The following TRIM26 variants were observed in gnomAD, a reference collection of about 807,000 sequenced individuals.
The protein encoded by TRIM26 is tripartite motif containing 26.
Under a neutral mutation model 45.5 loss-of-function variants are expected in TRIM26, and 16 were observed. The observed-to-expected ratio is 0.35, with a 90% CI of 0.24 to 0.53. The LOEUF is 0.53. Among genes scored for constraint, TRIM26 ranks in the 20% least tolerant of loss-of-function variants. The pLI is 0.92. For missense variants in TRIM26, 442 were observed against 691.1 expected, an observed-to-expected ratio of 0.64 and a Z score of 4.04; for synonymous variants, 273 against 290.4, an observed-to-expected ratio of 0.94 and a Z score of 0.61.
Position 30,186,505 on chromosome 6 carries a change from C to T in TRIM26, c.991G>A (p.Asp331Asn). The T allele has an allele frequency of 6.5e-7, 1 of 1,535,320 alleles. No homozygotes were observed. Among genetic ancestry groups the T allele is most frequent in the Non-Finnish European group, 8.8e-7 (1 of 1,142,218 alleles). Residue 331 changes from aspartate to asparagine, a missense_variant, in exon 10 of 10, where the codon GAC becomes AAC. By Grantham distance (23) the Asp-to-Asn change is conservative. Coordinates refer to ENST00000454678, the MANE Select transcript of TRIM26 (RefSeq NM_003449.5). This position sits in a 1 kb window ranked among gnomAD's most constrained non-coding sequence, Gnocchi z 7.4. ...SASGYLQLSE[D>N]WKCVTYTSLY... is the part of the protein sequence containing the mutation. ...CTGGTGTAGGTCACGCACTTCCAGT[C>T]CTCTGACAGCTGCAGGTACCCACTG...
At chr6:30,208,905 T>TCTGA (rs142813564) in intron 1 of TRIM26, among the ~76,000 whole-genome samples, 1 of 6,206 alleles carries the variant, frequency 1.6e-4, no homozygotes, top group Non-Finnish European at 3.1e-4. Context: ...ATATAGAATA[T>TCTGA]GTGTGTGTGT....
At chr6:30,208,111 AACTG>A (rs375960120) in intron 1 of TRIM26, among the ~76,000 whole-genome samples, 4 of 152,248 alleles carry the variant, frequency 2.6e-5, no homozygotes, top group Admixed American at 6.5e-5. Context: ...AGACAATAAA[AACTG>A]ACTGAGAAAA....
At position 30,199,552 on chromosome 6, in the gene TRIM26, C is replaced by T. The variant is rs148140608; in HGVS notation, c.-161-288G>A. ...TACAATGTCTACTGTGGACACAGTG[C>T]TCCTTCACTCAACTGTGCAAAGCAC... On this transcript the variant is annotated intron_variant, in intron 3 of 9. Coordinates refer to ENST00000454678, the MANE Select transcript of TRIM26 (RefSeq NM_003449.5). Among the ~76,000 whole-genome samples the T allele has an allele frequency of 4.2e-3, 646 of 152,186 alleles. 2 individuals carry two copies. The highest frequency in any genetic ancestry group is 0.011 in the African/African-American group (448 of 41,510).
chr6:30,212,469 T>C (rs3130386), intron 1 of TRIM26, among the ~76,000 whole-genome samples: 64,521 of 152,088 alleles, frequency 0.42, 13,855 homozygotes, highest in Non-Finnish European at 0.45. Flanking sequence ...TAACAGGGGA[T>C]CCGGTTTGGA....
At position 30,207,307 on chromosome 6, in the gene TRIM26, T is replaced by C. The variant is rs1279868158; in HGVS notation, c.-375-2542A>G. Reference sequence around the variant, plus strand: ...ATGTTTATTAGGTGCCGACTATGTGTCAGGCACCGAGGTTACAGCAGAGAA... The same window carrying C: ...ATGTTTATTAGGTGCCGACTATGTGCCAGGCACCGAGGTTACAGCAGAGAA... On this transcript the variant is annotated intron_variant, in intron 1 of 9. Coordinates refer to ENST00000454678, the MANE Select transcript of TRIM26 (RefSeq NM_003449.5). The surrounding 1 kb of genome is among the most constrained non-coding windows in gnomAD (Gnocchi z 4.9). Among the ~76,000 whole-genome samples the C allele has an allele frequency of 6.6e-6, 1 of 152,194 alleles. No homozygotes were observed. The highest frequency in any genetic ancestry group is 1.5e-5 in the Non-Finnish European group (1 of 68,030).
intron 6 of TRIM26, among the ~76,000 whole-genome samples, chr6:30,193,213 A>T (rs1776126960): frequency 9.3e-6 from 1 of 108,048 alleles, no homozygotes; most frequent in African/African-American, 3.9e-5. Context: ...ATGGAGTCTC[A>T]CTCTATTGCC....
rs777037474 is a variant in TRIM26 at position 30,186,470 on chromosome 6, C to G, written c.1026G>C (p.Lys342Asn). Residue 342 changes from lysine (K) to asparagine (N), a missense_variant, in exon 10 of 10, where the codon AAG becomes AAC. By Grantham distance (94) the Lys-to-Asn change is moderately conservative. Transcript: ENST00000454678. The surrounding 1 kb of genome is among the most constrained non-coding windows in gnomAD (Gnocchi z 7.4). ...ACTGCTGGGGGTGCAGGTAGGCACT[C>G]TTGTACAGGCTGGTGTAGGTCACGC... ...WKCVTYTSLY[K>N]SAYLHPQQFD... 6.3e-7 allele frequency: 1 copy of G among 1,579,410 alleles called. No homozygotes were observed.
chr6:30,188,155 G>A (rs1775398866), intron 9 of TRIM26: 1 of 159,440 alleles, frequency 6.3e-6, no homozygotes, highest in African/African-American at 2.6e-5. Context: ...AGGAGGCGGA[G>A]CCTGCAGTGA....
chr6:30,191,932 T>A (rs1003283605), intron 6 of TRIM26, among the ~76,000 whole-genome samples: 4 of 152,198 alleles, frequency 2.6e-5, no homozygotes, highest in Non-Finnish European at 4.4e-5. Context: ...CAGAGGCCCA[T>A]TTGGGCATAT....
chr6:30,201,208 G>A (rs1453745312), intron 2 of TRIM26, 70 bp from the exon 3 acceptor site: 1 of 152,172 alleles, frequency 6.6e-6, no homozygotes, highest in East Asian at 1.9e-4. Flanking sequence ...AGAGTTCAGT[G>A]GCCTCTGTCA....
At chr6:30,193,341 C>A (rs1046753831) in intron 6 of TRIM26, among the ~76,000 whole-genome samples, 3 of 150,402 alleles carry the variant, frequency 2.0e-5, no homozygotes, top group African/African-American at 7.4e-5. Flanking sequence ...ACCATCACGC[C>A]CAGCTAATTT....
rs1390060960 is a variant in TRIM26, at chr6:30,189,611, G to A, written c.789-78C>T. 3 of 1,259,306 alleles carry A rather than the reference G, an allele frequency of 2.4e-6. No homozygotes were observed. Among genetic ancestry groups the A allele is most frequent in the Non-Finnish European group, 3.5e-6 (3 of 867,938 alleles). The allele number at this position is 1,259,306 out of a possible 1,614,324, so 78.0% of individuals were successfully genotyped here. ...TCATACTTATCTCTCAATCCTCATG[G>A]CAATTATGAAGGGGAGAGGAAAGGT... On this transcript the variant is annotated intron_variant, in intron 7 of 9. Coordinates refer to ENST00000454678, the MANE Select transcript of TRIM26 (RefSeq NM_003449.5). The surrounding 1 kb of genome is among the most constrained non-coding windows in gnomAD (Gnocchi z 5.0).
In TRIM26 at chr6:30,209,066, T is replaced by C. The variant is rs916241697; in HGVS notation, c.-376+4239A>G. Among the ~76,000 whole-genome samples, 6 of 152,066 alleles carry C rather than the reference T, an allele frequency of 3.9e-5. No individual in the cohort carries two copies. Among genetic ancestry groups the C allele is most frequent in the African/African-American group, 1.4e-4 (6 of 41,392 alleles). On this transcript the variant is annotated intron_variant, in intron 1 of 9. Transcript: ENST00000454678. The surrounding 1 kb of genome is among the most constrained non-coding windows in gnomAD (Gnocchi z 4.8). ...ACCCAACCAGTAAATGTTGTAAATG[T>C]TTATCTTTGGGGAGAGAAGGGGAAG...
Position 30,208,918 on chromosome 6 carries a change from G to C in TRIM26, c.-375-4153C>G, listed in dbSNP as rs866762572. Among the ~76,000 whole-genome samples the C allele has an allele frequency of 2.0e-3, 270 of 136,724 alleles. 2 individuals carry two copies. Among genetic ancestry groups the C allele is most frequent in the Middle Eastern group, 0.011 (3 of 268 alleles). The allele number at this position is 136,724 out of a possible 152,430, so 89.7% of individuals were successfully genotyped here. A position where few individuals can be genotyped will look rare whatever the true frequency, so the allele number is the denominator to read the frequency against. ...GGATATAGAATATGTGTGTGTGTGTGTGTGTGTGTGTGTGTGTGTGTGTGT... is the reference window on the plus strand; with the variant it reads ...GGATATAGAATATGTGTGTGTGTGTCTGTGTGTGTGTGTGTGTGTGTGTGT... On this transcript the variant is annotated intron_variant, in intron 1 of 9. Transcript: ENST00000454678.
chr6:30,185,846 AG>A lies in TRIM26; in HGVS notation c.*29del. 2 of 1,585,224 alleles carry A rather than the reference AG, an allele frequency of 1.3e-6. No homozygotes were observed. Among genetic ancestry groups the A allele is most frequent in the Non-Finnish European group, 1.7e-6 (2 of 1,164,348 alleles). On this transcript the variant is annotated 3_prime_UTR_variant, in exon 10 of 10. Transcript: ENST00000454678. The surrounding 1 kb of genome is among the most constrained non-coding windows in gnomAD (Gnocchi z 5.7). ...GAATTCCAAAGAAGTGAAGCATCTG[AG>A]GGTTGGGGCTGGGGGCAGATGTCAG...
Position 30,198,572 on chromosome 6 carries a change from C to T in TRIM26, c.439-48G>A, listed in dbSNP as rs1776738142. ...AACAGGTGGATGCTCTGGGCTGGGG[C>T]AGGAAGGGAGACTCAGGCTGAGTCC... On this transcript the variant is annotated intron_variant, in intron 4 of 9. Coordinates refer to ENST00000454678, the MANE Select transcript of TRIM26 (RefSeq NM_003449.5). The surrounding 1 kb of genome is among the most constrained non-coding windows in gnomAD (Gnocchi z 6.3). The T allele has an allele frequency of 1.2e-6, 2 of 1,612,016 alleles. No homozygotes were observed. Among genetic ancestry groups the T allele is most frequent in the South Asian group, 1.1e-5 (1 of 91,058 alleles).
In TRIM26 at chr6:30,190,559, G is replaced by A. The variant is rs1775727684; in HGVS notation, c.766-524C>T. ...TAATAATAGAACCCCCGGAGTTATT[G>A]CTGGTCAGGCGGCCACCTGGGAAGA... is the stretch of plus-strand genomic sequence containing the variant. On this transcript the variant is annotated intron_variant, in intron 6 of 9. Coordinates refer to ENST00000454678, the MANE Select transcript of TRIM26 (RefSeq NM_003449.5). The surrounding 1 kb of genome is among the most constrained non-coding windows in gnomAD (Gnocchi z 4.3). Among the ~76,000 whole-genome samples, 1 of 152,160 alleles carries A rather than the reference G, an allele frequency of 6.6e-6. No homozygotes were observed. The highest frequency in any genetic ancestry group is 2.4e-5 in the African/African-American group (1 of 41,428).
Position 30,209,978 on chromosome 6 carries a change from G to A in TRIM26, c.-376+3327C>T, listed in dbSNP as rs1778111716. On this transcript the variant is annotated intron_variant, in intron 1 of 9. Coordinates refer to ENST00000454678, the MANE Select transcript of TRIM26 (RefSeq NM_003449.5). This position sits in a 1 kb window ranked among gnomAD's most constrained non-coding sequence, Gnocchi z 4.8. ...TCCCAGCACTTTGGGAGGCCGAGGTGGGCAGATCATGAGGTCAAGAGATCG... is the reference window on the plus strand; with the variant it reads ...TCCCAGCACTTTGGGAGGCCGAGGTAGGCAGATCATGAGGTCAAGAGATCG... Among the ~76,000 whole-genome samples, 1 of 152,024 alleles carries A rather than the reference G, an allele frequency of 6.6e-6. No homozygotes were observed. The highest frequency in any genetic ancestry group is 1.5e-5 in the Non-Finnish European group (1 of 67,992).
rs1034757220 is a variant in TRIM26 at position 30,201,117 on chromosome 6, T to C, written c.-244A>G. The C allele has an allele frequency of 6.6e-6, 1 of 152,210 alleles. No individual in the cohort carries two copies. Among genetic ancestry groups the C allele is most frequent in the African/African-American group, 2.4e-5 (1 of 41,446 alleles). 9.4% of individuals were successfully genotyped at this position (152,210 alleles called of 1,614,324 possible). On this transcript the variant is annotated 5_prime_UTR_variant, in exon 3 of 10. Transcript: ENST00000454678. ...ACAACCAGCAGGGCACAGAGGTGAC[T>C]GCGAGGCTGGAATGAAGCAACCTGA...
Sources: allele counts gnomAD v4.1 joint callset (sites outside exome capture counted in the v4.1 genomes callset), GRCh38; gene constraint gnomAD v4.1.1; non-coding constraint Gnocchi (gnomAD v3.1); transcripts MANE v1.5; gene names NCBI Gene and HGNC (gene_info 2026-07-23, HGNC 2026-07-21).